Variants in SECISBP2 observed in about 807,000 individuals in gnomAD.
SECISBP2 encodes selenocysteine insertion sequence-binding protein 2.
In SECISBP2, 96 loss-of-function variants were observed where a neutral mutation model predicts 98.2. That is an observed-to-expected ratio of 0.98 (90% CI 0.83 to 1.16). The LOEUF (loss-of-function observed/expected upper bound fraction) is 1.16, where lower values mean the gene tolerates loss of function less well. Among genes scored for constraint, SECISBP2 ranks in the 50% most tolerant of loss-of-function variants. SECISBP2 has a pLI of 0.00. For missense variants in SECISBP2, 1,046 were observed against 1,022.9 expected (o/e 1.02, Z -0.31); for synonymous variants, 407 against 370.2 (o/e 1.10, Z -1.14).
intron 14 of SECISBP2, among the ~76,000 whole-genome samples, chr9:89,352,232 A>G (rs1323921861): frequency 6.6e-6 from 1 of 152,176 alleles, no homozygotes; most frequent in Non-Finnish European, 1.5e-5. Context: ...CTCCTCTAAG[A>G]CGGTTACACC....
At chr9:89,321,782 A>G in intron 2 of SECISBP2, among the ~76,000 whole-genome samples, 1 of 152,240 alleles carries the variant, frequency 6.6e-6, no homozygotes, top group East Asian at 1.9e-4. Context: ...TTGAAGAGGA[A>G]GAGTTAGAAA....
chr9:89,346,789 T>C (rs1413149332), intron 10 of SECISBP2, 93 bp from the exon 11 acceptor site: 3 of 1,488,146 alleles, frequency 2.0e-6, no homozygotes, highest in Non-Finnish European at 2.8e-6. Context: ...CTCCTTCAGA[T>C]ACCCTGAGGC....
downstream of SECISBP2, chr9:89,360,800 A>ACTC (rs1832702491): frequency 6.6e-6 from 1 of 152,152 alleles, no homozygotes; most frequent in South Asian, 2.1e-4. Flanking sequence ...ACAATGTACA[A>ACTC]CTCTATTTTT....
At position 89,359,074 on chromosome 9, in the gene SECISBP2, C is replaced by T; in HGVS notation, c.*250C>T. On this transcript the variant is annotated 3_prime_UTR_variant, in exon 17 of 17. Transcript: ENST00000375807. ...GGTGATACAGCTCTGGCTTTCTGAG[C>T]ACACTACGGATCTGGAAAATACTGG... 3.8e-6 allele frequency: 2 copies of T among 519,748 alleles called. No individual in the cohort carries two copies. The highest frequency in any genetic ancestry group is 3.6e-5 in the East Asian group (1 of 27,966). 32.2% of individuals were successfully genotyped at this position (519,748 alleles called of 1,614,324 possible). A position where few individuals can be genotyped will look rare whatever the true frequency, so the allele number is the denominator to read the frequency against.
Position 89,357,541 on chromosome 9 carries a change from G to A in SECISBP2, c.2244G>A (p.Gly748=), listed in dbSNP as rs755975166. 1 of 1,613,992 alleles carries A rather than the reference G, an allele frequency of 6.2e-7. No homozygotes were observed. Among genetic ancestry groups the A allele is most frequent in the South Asian group, 1.1e-5 (1 of 91,082 alleles). ...LNKAVPVSVV[G]IFSYDGAQDQ... is the part of the protein sequence containing the mutation. ...AGGCAGTTCCTGTCAGTGTGGTGGG[G>A]ATCTTCAGCTATGATGGGGCCCAGG... The change falls in exon 15 of 17, where the codon GGG becomes GGA. Residue 748 remains glycine, a synonymous_variant. Coordinates refer to ENST00000375807, the MANE Select transcript of SECISBP2 (RefSeq NM_024077.5).
Position 89,338,441 on chromosome 9 carries a change from T to G in SECISBP2, c.1090-17T>G. 1 of 1,612,860 alleles carries G rather than the reference T, an allele frequency of 6.2e-7. No individual in the cohort carries two copies. The highest frequency in any genetic ancestry group is 8.5e-7 in the Non-Finnish European group (1 of 1,179,742). On this transcript the variant is annotated splice_polypyrimidine_tract_variant and intron_variant, in intron 7 of 16. Transcript: ENST00000375807. Reference sequence around the variant, plus strand: ...CGCCCTAAAAACAGGATTTTTTGCTTTGATTTTCTGTTCTAGTCTAAAGCA... The same window carrying G: ...CGCCCTAAAAACAGGATTTTTTGCTGTGATTTTCTGTTCTAGTCTAAAGCA...
intron 13 of SECISBP2, among the ~76,000 whole-genome samples, chr9:89,350,337 T>G (rs1405090129): frequency 6.6e-6 from 1 of 152,240 alleles, no homozygotes; most frequent in Non-Finnish European, 1.5e-5. Context: ...GTATTTGTCT[T>G]TATGACAGGG....
intron 2 of SECISBP2, among the ~76,000 whole-genome samples, chr9:89,321,110 T>A (rs1825729288): frequency 6.6e-6 from 1 of 152,238 alleles, no homozygotes; most frequent in African/African-American, 2.4e-5. Flanking sequence ...TTGGTAGGAA[T>A]ACCCTATTTT....
chr9:89,333,461 G>T (rs1216023635), intron 6 of SECISBP2, among the ~76,000 whole-genome samples: 1 of 152,222 alleles, frequency 6.6e-6, no homozygotes, highest in Non-Finnish European at 1.5e-5. Flanking sequence ...TTAAAAAGCT[G>T]TAGTGCAGAG....
chr9:89,365,634 A>G, the SECISBP2 span: 1 of 152,312 alleles, frequency 6.6e-6, no homozygotes, highest in Non-Finnish European at 1.5e-5. Context: ...GGAGTTCAGA[A>G]CACTGAGCAG....
downstream of SECISBP2, chr9:89,363,711 A>AT (rs1833123762): frequency 6.2e-7 from 1 of 1,603,482 alleles, no homozygotes; most frequent in African/African-American, 1.3e-5. Context: ...ACCTCATAAA[A>AT]GGGTAACAGT....
intron 6 of SECISBP2, among the ~76,000 whole-genome samples, chr9:89,333,818 A>G (rs1274296227): frequency 6.6e-6 from 1 of 152,164 alleles, no homozygotes; most frequent in Non-Finnish European, 1.5e-5. Flanking sequence ...ATGATTCCAA[A>G]TTTATTCATA....
chr9:89,353,674 T>C (rs1831629644), intron 14 of SECISBP2, among the ~76,000 whole-genome samples: 1 of 152,220 alleles, frequency 6.6e-6, no homozygotes, highest in Non-Finnish European at 1.5e-5. Flanking sequence ...CTGAAACTTT[T>C]TGCTGTTGTC....
rs1479989656 is a variant in SECISBP2, at chr9:89,358,795, A to G, written c.2536A>G (p.Thr846Ala). Residue 846 changes from threonine to alanine, a missense_variant, in exon 17 of 17, where the codon ACC becomes GCC. Transcript: ENST00000375807. The part of the protein sequence containing the change: ...LELEESLEAS[T>A]SQMMNLNL ...GCTAGAAGAATCCTTGGAGGCTTCA[A>G]CCTCTCAAATGATGAATTTGAATTT... 9.3e-6 allele frequency: 15 copies of G among 1,613,062 alleles called. No homozygotes were observed. The highest frequency in any genetic ancestry group is 4.0e-5 in the African/African-American group (3 of 74,916).
intron 9 of SECISBP2, 64 bp from the exon 10 acceptor site, chr9:89,341,283 T>A: frequency 6.7e-7 from 1 of 1,487,868 alleles, no homozygotes; most frequent in Non-Finnish European, 9.3e-7. Flanking sequence ...CATCAGTTTT[T>A]TGTAAAAAGA....
rs1218063468 is a variant in SECISBP2, at chr9:89,350,647, G to A, written c.1908G>A (p.Met636Ile). Residue 636 changes from methionine to isoleucine, a missense_variant, in exon 14 of 17, where the codon ATG (methionine) becomes ATA (isoleucine). Physicochemically the swap from Met to Ile is conservative, Grantham distance 10. Transcript: ENST00000375807. ...SRRFRDYCSQ[M>I]LSKEVDACVT... The stretch of plus-strand genomic sequence containing the variant: ...TTTCTTTCAGTTACTGCAGCCAGAT[G>A]CTTAGTAAAGAAGTGGATGCTTGTG... 7 of 1,613,930 alleles carry A rather than the reference G, an allele frequency of 4.3e-6. No homozygotes were observed. Among genetic ancestry groups the A allele is most frequent in the Non-Finnish European group, 5.9e-6 (7 of 1,179,922 alleles).
chr9:89,345,026 A>G (rs1024891838), intron 10 of SECISBP2, among the ~76,000 whole-genome samples: 1 of 152,192 alleles, frequency 6.6e-6, no homozygotes, highest in African/African-American at 2.4e-5. Flanking sequence ...TTCCTTTGGT[A>G]TTAGTGACAC....
intron 2 of SECISBP2, among the ~76,000 whole-genome samples, chr9:89,321,559 C>T (rs548213204): frequency 4.6e-5 from 7 of 151,778 alleles, no homozygotes; most frequent in Admixed American, 2.0e-4. Context: ...CCCAGTTACT[C>T]GGGAGGCTGA....
At position 89,336,766 on chromosome 9, in the gene SECISBP2, C is replaced by CTTTTTTTTTT. The variant is rs1167993596; in HGVS notation, c.1090-1678_1090-1669dup. 8.0e-5 allele frequency among the ~76,000 whole-genome samples: 6 copies of CTTTTTTTTTT among 75,208 alleles called. 1 individual carries two copies. Among genetic ancestry groups the CTTTTTTTTTT allele is most frequent in the African/African-American group, 1.8e-4 (3 of 17,102 alleles). 49.3% of individuals were successfully genotyped at this position (75,208 alleles called of 152,430 possible). A position where few individuals can be genotyped will look rare whatever the true frequency, so the allele number is the denominator to read the frequency against. ...CTGGACAACAGCCCACTGTCTAATT[C>CTTTTTTTTTT]TTTTTTTTTTTTTTTTTTTTTTTGA... is the stretch of plus-strand genomic sequence containing the variant. On this transcript the variant is annotated intron_variant, in intron 7 of 16. Coordinates refer to ENST00000375807, the MANE Select transcript of SECISBP2 (RefSeq NM_024077.5).
Sources: gnomAD v4.1 joint callset for allele counts (sites outside exome capture counted in the v4.1 genomes callset) on GRCh38, gnomAD v4.1.1 for gene constraint, MANE v1.5 for transcripts, NCBI Gene and HGNC (gene_info 2026-07-23, HGNC 2026-07-21) for gene names.